PECAM1: variants seen among roughly 807,000 people sequenced by gnomAD.
PECAM1 encodes the protein platelet endothelial cell adhesion molecule.
In PECAM1, 8 loss-of-function variants were observed where a neutral mutation model predicts 13.8. The observed-to-expected ratio is 0.58, with a 90% confidence interval of 0.34 to 1.05. PECAM1 has a LOEUF of 1.05. Among genes scored for constraint, PECAM1 ranks in the 50% least tolerant of loss-of-function variants. The pLI is 0.03. For missense variants in PECAM1, 304 were observed against 141.2 expected (o/e 2.15, Z -5.84); for synonymous variants, 136 against 52.6 (o/e 2.58, Z -6.86).
At chr17:64,332,462 G>T (rs1396506198) in intron 14 of PECAM1, among the ~76,000 whole-genome samples, 2 of 152,216 alleles carry the variant, frequency 1.3e-5, no homozygotes, top group East Asian at 3.8e-4. Context: ...CTTACTCCAT[G>T]CACACTTGCA....
chr17:64,330,886 ACTT>A (rs1321121990), intron 14 of PECAM1, among the ~76,000 whole-genome samples: 3 of 152,072 alleles, frequency 2.0e-5, no homozygotes, highest in Non-Finnish European at 2.9e-5. Context: ...TTTTCTGAAA[ACTT>A]CTTAAGCATA....
At chr17:64,339,839 T>C (rs1465233239) in intron 14 of PECAM1, among the ~76,000 whole-genome samples, 2 of 152,104 alleles carry the variant, frequency 1.3e-5, no homozygotes, top group Non-Finnish European at 2.9e-5. Context: ...CCTCAGAGAA[T>C]TGGATGGTTC....
rs923266979 is a variant in PECAM1, at chr17:64,369,735, C to T, written c.967+15G>A. 6.8e-3 allele frequency: 2,710 copies of T among 398,652 alleles called. 83 individuals are homozygous for T. The highest frequency in any genetic ancestry group is 0.05 in the African/African-American group (2,442 of 48,724). The allele number at this position is 398,652 out of a possible 1,614,324, so 24.7% of individuals were successfully genotyped here. On this transcript the variant is annotated intron_variant, in intron 5 of 15. Coordinates refer to ENST00000563924, the MANE Select transcript of PECAM1 (RefSeq NM_000442.5). ...CCCGCCATATGCCAACACCCTCCCG[C>T]AGCAGCAGCCCTACCTGTTATGTTG...
At chr17:64,377,509 G>T (rs963693265) in intron 3 of PECAM1, 6 of 166,826 alleles carry the variant, frequency 3.6e-5, no homozygotes, top group African/African-American at 1.4e-4. Context: ...TACTTGGGAG[G>T]CTGAGGCAGG....
rs2036032638 is a variant in PECAM1 at position 64,363,479 on chromosome 17, G to A, written c.968-82C>T. ...CCTTCCTGGAGAGGCCCTTGGCTCAGGTGCTCTTGGCAGAACCAACTTCCA... is the reference window on the plus strand; with the variant it reads ...CCTTCCTGGAGAGGCCCTTGGCTCAAGTGCTCTTGGCAGAACCAACTTCCA... On this transcript the variant is annotated intron_variant, in intron 5 of 15. Transcript: ENST00000563924. 1.9e-5 allele frequency: 9 copies of A among 470,498 alleles called. No homozygotes were observed. In the South Asian group the frequency reaches 2.8e-4, roughly 15 times the overall value. The allele number at this position is 470,498 out of a possible 1,614,324, so 29.1% of individuals were successfully genotyped here.
rs1226250200 is a variant in PECAM1, at chr17:64,356,374, G to A, written c.1517C>T (p.Ser506Phe). Residue 506 changes from serine (S) to phenylalanine (F), a missense_variant, in exon 8 of 16, where the codon TCT (serine) becomes TTT (phenylalanine). Ser to Phe is a radical substitution (Grantham distance 155). Coordinates refer to ENST00000563924, the MANE Select transcript of PECAM1 (RefSeq NM_000442.5). ...VIAPVDEVQI[S>F]ILSSKVVESG... Reference sequence around the variant, plus strand: ...CTCCACCACCTTACTTGACAGGATAGAAATCTGGACCTCATCCACCGGGGC... The same window carrying A: ...CTCCACCACCTTACTTGACAGGATAAAAATCTGGACCTCATCCACCGGGGC... 2 of 471,290 alleles carry A rather than the reference G, an allele frequency of 4.2e-6. No individual in the cohort carries two copies. Among genetic ancestry groups the A allele is most frequent in the Admixed American group, 6.4e-5 (2 of 31,046 alleles). 29.2% of individuals were successfully genotyped at this position (471,290 alleles called of 1,614,324 possible).
intron 3 of PECAM1, chr17:64,377,608 C>A: frequency 1.0e-5 from 1 of 96,204 alleles, no homozygotes; most frequent in Non-Finnish European, 1.8e-5. Flanking sequence ...GAGACTCCAT[C>A]AAAGAAAGAA....
chr17:64,384,078 C>T (rs1216723607), intron 2 of PECAM1, among the ~76,000 whole-genome samples: 4 of 152,066 alleles, frequency 2.6e-5, no homozygotes, highest in African/African-American at 9.7e-5. Context: ...TTGCAGTGAG[C>T]CAAGATCACA....
chr17:64,366,909 G>A (rs2036120582), intron 5 of PECAM1, among the ~76,000 whole-genome samples: 1 of 148,658 alleles, frequency 6.7e-6, no homozygotes, highest in Non-Finnish European at 1.5e-5. Context: ...CACCAGCATG[G>A]CACATGTATA....
rs996636056 is a variant in PECAM1, at chr17:64,390,150, A to T, written c.91+339T>A. 6.5e-5 allele frequency: 19 copies of T among 294,046 alleles called. No individual in the cohort carries two copies. The Admixed American group carries it at 7.1e-4, about 11-fold the overall frequency. 18.2% of individuals were successfully genotyped at this position (294,046 alleles called of 1,614,324 possible). On this transcript the variant is annotated intron_variant, in intron 2 of 15. Transcript: ENST00000563924. ...AACCACAATTACTTTGCAACAACCT[A>T]ATATATTTTTAGACTAGTCAAGAGT...
At chr17:64,388,504 T>A (rs1181702223) in intron 2 of PECAM1, among the ~76,000 whole-genome samples, 1 of 152,132 alleles carries the variant, frequency 6.6e-6, no homozygotes, top group Non-Finnish European at 1.5e-5. Flanking sequence ...ATCATCCCCA[T>A]GTTACAGATT....
intron 14 of PECAM1, among the ~76,000 whole-genome samples, chr17:64,335,766 T>C (rs1445717430): frequency 6.6e-6 from 1 of 152,090 alleles, no homozygotes; most frequent in East Asian, 1.9e-4. Flanking sequence ...ACAGAGGGAG[T>C]GCTCAATACA....
intron 7 of PECAM1, among the ~76,000 whole-genome samples, chr17:64,359,906 C>T (rs7216986): frequency 0.41 from 62,721 of 151,992 alleles, 14,319 homozygotes; most frequent in South Asian, 0.58. Flanking sequence ...GCGCACGCCA[C>T]CATGCCCAGC....
At chr17:64,365,904 T>C (rs1304842365) in intron 5 of PECAM1, among the ~76,000 whole-genome samples, 1 of 150,272 alleles carries the variant, frequency 6.7e-6, no homozygotes, top group Non-Finnish European at 1.5e-5. Context: ...ATTCAGGACA[T>C]AGGCATGGGC....
chr17:64,368,746 G>A (rs948209052), intron 5 of PECAM1, among the ~76,000 whole-genome samples: 3,992 of 151,110 alleles, frequency 0.026, 179 homozygotes, highest in African/African-American at 0.092. Flanking sequence ...CCAGCTACTC[G>A]GGAGGCTGAG....
rs576923109 is a variant in PECAM1 at position 64,322,374 on chromosome 17, G to T, written c.*1442C>A. On this transcript the variant is annotated 3_prime_UTR_variant, in exon 16 of 16. Transcript: ENST00000563924. The stretch of plus-strand genomic sequence containing the variant: ...GCAGTCCAGCCCGGGCAACAAGAGC[G>T]AATCTCCGTCTCAAAACAACAAAAC... 2.0e-6 allele frequency: 2 copies of T among 975,662 alleles called. No homozygotes were observed. The highest frequency in any genetic ancestry group is 3.5e-5 in the African/African-American group (2 of 56,986). 60.4% of individuals were successfully genotyped at this position (975,662 alleles called of 1,614,324 possible).
chr17:64,361,817 A>G (rs1361958101), intron 6 of PECAM1, among the ~76,000 whole-genome samples: 1 of 151,874 alleles, frequency 6.6e-6, no homozygotes, highest in Non-Finnish European at 1.5e-5. Flanking sequence ...CTTAACAGAT[A>G]AGAATTATAT....
chr17:64,375,517 G>C (rs1352057660), intron 3 of PECAM1, among the ~76,000 whole-genome samples, 161 bp from the exon 4 acceptor site: 6 of 152,076 alleles, frequency 3.9e-5, no homozygotes, highest in African/African-American at 1.4e-4. Flanking sequence ...CGACCTACCA[G>C]GTAATAAATG....
chr17:64,352,536 C>A, intron 10 of PECAM1, 73 bp from the exon 11 acceptor site: 1 of 411,598 alleles, frequency 2.4e-6, no homozygotes, highest in South Asian at 1.3e-4. Context: ...AACCCCAAAC[C>A]ACCAAAGTAA....
Sources: gnomAD v4.1 joint callset for allele counts (sites outside exome capture counted in the v4.1 genomes callset) on GRCh38, gnomAD v4.1.1 for gene constraint, MANE v1.5 for transcripts, NCBI Gene and HGNC (gene_info 2026-07-23, HGNC 2026-07-21) for gene names.